The following CBLB variants were observed in gnomAD, a reference collection of about 807,000 sequenced individuals.
The protein encoded by CBLB is Cbl proto-oncogene B, also known as E3 ubiquitin-protein ligase CBL-B.
In CBLB, 31 loss-of-function variants were observed where a neutral mutation model predicts 104.9. The observed-to-expected ratio is 0.30, with a 90% confidence interval of 0.22 to 0.40. The LOEUF is 0.40. CBLB is among the 10% of genes least tolerant of loss of function. The probability of loss-of-function intolerance (pLI) is 1.00; values close to 1 mark genes in which losing one functional copy is unlikely to be tolerated. For synonymous variants in CBLB, 440 were observed against 422.6 expected, an observed-to-expected ratio of 1.04 and a Z score of -0.51; for missense variants, 1,062 against 1,214.6, an observed-to-expected ratio of 0.87 and a Z score of 1.87.
chr3:105,728,178 TG>T (rs1245729298), intron 9 of CBLB, among the ~76,000 whole-genome samples: 3 of 152,106 alleles, frequency 2.0e-5, no homozygotes, highest in Non-Finnish European at 4.4e-5. Context: ...ATGTCCTCTC[TG>T]TTTGCAGATG....
intron 2 of CBLB, among the ~76,000 whole-genome samples, chr3:105,857,671 C>T (rs960338102): frequency 6.6e-6 from 1 of 152,166 alleles, no homozygotes; most frequent in Admixed American, 6.5e-5. Context: ...AACTCATTTA[C>T]ATTTTTATTT....
chr3:105,741,095 GTT>G (rs66493673), intron 6 of CBLB, among the ~76,000 whole-genome samples: 11,205 of 107,232 alleles, frequency 0.1, 254 homozygotes, highest in East Asian at 0.23. Flanking sequence ...AAAAATTAGG[GTT>G]TTTTTTTTTT....
intron 3 of CBLB, among the ~76,000 whole-genome samples, chr3:105,781,181 TTCA>T: frequency 6.6e-6 from 1 of 152,144 alleles, no homozygotes; most frequent in Non-Finnish European, 1.5e-5. Context: ...AAGGTACCTC[TTCA>T]TCCTGGATTC....
chr3:105,785,566 C>T (rs542030032), intron 3 of CBLB, among the ~76,000 whole-genome samples: 54 of 152,238 alleles, frequency 3.5e-4, no homozygotes, highest in Admixed American at 1.3e-3. Context: ...CATAGTTTCC[C>T]GTCACACTAA....
rs2065040692 is a variant in CBLB, at chr3:105,671,348, G to A, written c.2570-996C>T. ...CTGAAAGTACCGTCAATTCTTCTGA[G>A]GACAGGGATCTGAGGGATCTTTTCC... On this transcript the variant is annotated intron_variant, in intron 17 of 18. Coordinates refer to ENST00000394030, the MANE Select transcript of CBLB (RefSeq NM_170662.5). The A allele has an allele frequency of 1.4e-5, 3 of 214,346 alleles. No individual in the cohort carries two copies. The East Asian group carries it at 2.1e-4, about 15-fold the overall frequency. 13.3% of individuals were successfully genotyped at this position (214,346 alleles called of 1,614,324 possible).
chr3:105,853,505 AGATT>A lies in CBLB; in HGVS notation c.324_327del (p.Lys108AsnfsTer7). The A allele has an allele frequency of 6.2e-7, 1 of 1,613,520 alleles. No individual in the cohort carries two copies. The highest frequency in any genetic ancestry group is 8.5e-7 in the Non-Finnish European group (1 of 1,179,540). On this transcript the variant is annotated frameshift_variant, in exon 3 of 19. Coordinates refer to ENST00000394030, the MANE Select transcript of CBLB (RefSeq NM_170662.5). LOFTEE classifies it high-confidence loss of function. ...GACTTTTTCATAAGGCTATCAATGT[AGATT>A]TTAAAGTACTCATTCTCACTGAGTT...
chr3:105,805,294 G>A (rs1283434608), intron 3 of CBLB, among the ~76,000 whole-genome samples: 1 of 149,440 alleles, frequency 6.7e-6, no homozygotes, highest in East Asian at 2.0e-4. Flanking sequence ...CAAAACATAT[G>A]GCCCCCAATT....
chr3:105,781,882 T>A (rs1481603070), intron 3 of CBLB, among the ~76,000 whole-genome samples: 1 of 152,120 alleles, frequency 6.6e-6, no homozygotes. Flanking sequence ...CTTCTTAATT[T>A]TACAAGGTGA....
intron 17 of CBLB, among the ~76,000 whole-genome samples, chr3:105,678,089 C>G (rs1235496315): frequency 1.3e-5 from 2 of 152,072 alleles, no homozygotes; most frequent in African/African-American, 4.8e-5. Flanking sequence ...AATCGGAAGA[C>G]AAAGTCTAAA....
At chr3:105,761,594 C>T (rs1046516577) in intron 4 of CBLB, among the ~76,000 whole-genome samples, 1 of 152,196 alleles carries the variant, frequency 6.6e-6, no homozygotes, top group East Asian at 1.9e-4. Context: ...CTTTTATCTT[C>T]TGCCATGATT....
chr3:105,852,568 T>C (rs1314468197), intron 3 of CBLB, among the ~76,000 whole-genome samples: 1 of 152,216 alleles, frequency 6.6e-6, no homozygotes, highest in Non-Finnish European at 1.5e-5. Flanking sequence ...AAAGAAATTT[T>C]TTTTATAAAT....
At chr3:105,766,876 T>C (rs1264523708) in intron 4 of CBLB, among the ~76,000 whole-genome samples, 1 of 152,220 alleles carries the variant, frequency 6.6e-6, no homozygotes, top group Non-Finnish European at 1.5e-5. Flanking sequence ...TGTGATATTC[T>C]TTATGTGATT....
chr3:105,805,150 T>A (rs995883860), intron 3 of CBLB, among the ~76,000 whole-genome samples: 1 of 152,134 alleles, frequency 6.6e-6, no homozygotes, highest in Admixed American at 6.5e-5. Flanking sequence ...ACAGGTCAGA[T>A]CACTTCATTT....
In CBLB at chr3:105,864,686, T is replaced by C. The variant is rs61230240; in HGVS notation, c.168+2724A>G. Reference sequence around the variant, plus strand: ...AAGGAACACAACTGAGCAATTACGCTCTCCTATTCTCAGTGACCTTAGAGC... The same window carrying C: ...AAGGAACACAACTGAGCAATTACGCCCTCCTATTCTCAGTGACCTTAGAGC... On this transcript the variant is annotated intron_variant, in intron 2 of 18. Coordinates refer to ENST00000394030, the MANE Select transcript of CBLB (RefSeq NM_170662.5). Among the ~76,000 whole-genome samples, 986 of 152,194 alleles carry C rather than the reference T, an allele frequency of 6.5e-3. 12 individuals are homozygous for C. The highest frequency in any genetic ancestry group is 0.023 in the African/African-American group (945 of 41,538).
intron 4 of CBLB, among the ~76,000 whole-genome samples, chr3:105,755,016 C>CTTTTTTTTTT (rs67405809): frequency 2.8e-5 from 4 of 143,818 alleles, no homozygotes; most frequent in East Asian, 2.2e-4. Context: ...AGTATCTTTT[C>CTTTTTTTTTT]TTTTTTTTTT....
chr3:105,813,672 C>T lies in CBLB; in HGVS notation c.420-37130G>A, dbSNP rs149090506. 1.1e-3 allele frequency among the ~76,000 whole-genome samples: 169 copies of T among 152,186 alleles called. 1 individual carries two copies. Among genetic ancestry groups the T allele is most frequent in the Admixed American group, 2.9e-3 (44 of 15,292 alleles). ...CCAATACTGTATTTATAATTTATCA[C>T]AGAAATATTAGATATATATTTTTTG... On this transcript the variant is annotated intron_variant, in intron 3 of 18. Transcript: ENST00000394030.
At chr3:105,791,141 C>T (rs367927995) in intron 3 of CBLB, among the ~76,000 whole-genome samples, 17 of 152,274 alleles carry the variant, frequency 1.1e-4, no homozygotes, top group African/African-American at 3.6e-4. Context: ...GAGCTAGGAG[C>T]GTTTCTTCCC....
chr3:105,719,987 G>T, intron 10 of CBLB, 60 bp downstream of exon 10: 1 of 1,227,976 alleles, frequency 8.1e-7, no homozygotes, highest in Non-Finnish European at 1.2e-6. Flanking sequence ...ATTTATGACG[G>T]CATCATTTCC....
chr3:105,700,856 C>T (rs969235122), intron 12 of CBLB, among the ~76,000 whole-genome samples: 12 of 152,344 alleles, frequency 7.9e-5, no homozygotes, highest in African/African-American at 2.9e-4. Context: ...TGTACCTCCA[C>T]ACACAGAGGA....
Sources: gnomAD v4.1 joint callset for allele counts (sites outside exome capture counted in the v4.1 genomes callset) on GRCh38, gnomAD v4.1.1 for gene constraint, MANE v1.5 for transcripts, NCBI Gene and HGNC (gene_info 2026-07-23, HGNC 2026-07-21) for gene names.